Variants in NTRK2 observed in about 807,000 individuals in gnomAD.
The protein encoded by NTRK2 is BDNF/NT-3 growth factors receptor.
A neutral mutation model predicts 94.5 loss-of-function variants in NTRK2; 13 were observed. That is an observed-to-expected ratio of 0.14 (90% CI 0.09 to 0.22). NTRK2 has a LOEUF of 0.22. Among genes scored for constraint, NTRK2 ranks in the 10% least tolerant of loss-of-function variants. The pLI is 1.00. For synonymous variants in NTRK2, 372 were observed against 407.4 expected, an observed-to-expected ratio of 0.91 and a Z score of 1.05; for missense variants, 639 against 1,071.2, an observed-to-expected ratio of 0.60 and a Z score of 5.63.
intron 14 of NTRK2, among the ~76,000 whole-genome samples, chr9:84,896,992 C>T (rs958876957): frequency 6.6e-6 from 1 of 152,160 alleles, no homozygotes; most frequent in Non-Finnish European, 1.5e-5. Context: ...CATAGCCCTG[C>T]TCTGAGAGAT....
chr9:84,919,604 A>G (rs1399156629), intron 14 of NTRK2, among the ~76,000 whole-genome samples: 2 of 152,222 alleles, frequency 1.3e-5, no homozygotes, highest in African/African-American at 4.8e-5. Flanking sequence ...TTAATGCTCA[A>G]ATAAAATTGC....
chr9:84,892,814 CG>C (rs1391176052), intron 14 of NTRK2, among the ~76,000 whole-genome samples: 2 of 151,828 alleles, frequency 1.3e-5, no homozygotes, highest in Non-Finnish European at 2.9e-5. Context: ...CCCAGCTACT[CG>C]GGAGGTTGAG....
At chr9:84,776,712 T>A (rs751439644) in intron 12 of NTRK2, among the ~76,000 whole-genome samples, 1 of 152,174 alleles carries the variant, frequency 6.6e-6, no homozygotes, top group African/African-American at 2.4e-5. Context: ...AATTCTCTCT[T>A]CCAAAACCCC....
At chr9:84,892,176 T>C (rs2076614660) in intron 14 of NTRK2, among the ~76,000 whole-genome samples, 1 of 152,226 alleles carries the variant, frequency 6.6e-6, no homozygotes, top group Non-Finnish European at 1.5e-5. Flanking sequence ...TTTTTCTTGC[T>C]TAAGTTATCT....
At chr9:84,688,887 A>G (rs2059879803) in intron 2 of NTRK2, among the ~76,000 whole-genome samples, 3 of 152,144 alleles carry the variant, frequency 2.0e-5, no homozygotes, top group Non-Finnish European at 4.4e-5. Flanking sequence ...TAGGGGAGTG[A>G]TTCCTGTTGT....
chr9:84,937,040 C>T (rs1318332471), intron 15 of NTRK2, among the ~76,000 whole-genome samples: 1 of 152,166 alleles, frequency 6.6e-6, no homozygotes, highest in African/African-American at 2.4e-5. Context: ...TTTCACAGAG[C>T]TGTCACTCGC....
rs781029708 is a variant in NTRK2, at chr9:84,948,638, C to G, written c.1937+4C>G. 2.5e-6 allele frequency: 4 copies of G among 1,613,816 alleles called. No homozygotes were observed. In the South Asian group the frequency reaches 4.4e-5, roughly 18 times the overall value. On this transcript the variant is annotated splice_donor_region_variant and intron_variant, in intron 16 of 18. Transcript: ENST00000277120. ...GGGACCTCAACAAGTTCCTCAGGTA[C>G]AGTGAGGCGGGGAGGTGGGCTCCAG...
At chr9:84,912,170 T>A (rs1428405944) in intron 14 of NTRK2, among the ~76,000 whole-genome samples, 1 of 152,212 alleles carries the variant, frequency 6.6e-6, no homozygotes, top group African/African-American at 2.4e-5. Context: ...CAGGATATGA[T>A]CTATTTTAGT....
At chr9:84,977,202 T>C (rs1407838299) in intron 17 of NTRK2, among the ~76,000 whole-genome samples, 2 of 152,194 alleles carry the variant, frequency 1.3e-5, no homozygotes, top group Admixed American at 1.3e-4. Context: ...GTATTGTTGA[T>C]TCATTTACAT....
intron 12 of NTRK2, among the ~76,000 whole-genome samples, chr9:84,794,335 T>C (rs984579120): frequency 6.6e-6 from 1 of 152,230 alleles, no homozygotes; most frequent in African/African-American, 2.4e-5. Flanking sequence ...TTTGCTTATA[T>C]GGACAGGGGC....
chr9:84,908,653 TA>T (rs1269357257), intron 14 of NTRK2, among the ~76,000 whole-genome samples: 6 of 152,192 alleles, frequency 3.9e-5, no homozygotes, highest in African/African-American at 1.4e-4. Context: ...GGGTGCTTGC[TA>T]GGCACAGTGG....
intron 12 of NTRK2, among the ~76,000 whole-genome samples, chr9:84,849,367 T>G (rs1039235942): frequency 6.6e-6 from 1 of 152,142 alleles, no homozygotes; most frequent in Non-Finnish European, 1.5e-5. Context: ...ACTTTTTCAT[T>G]GGCAAAAGCA....
At chr9:84,683,701 A>G (rs1410085308) in intron 2 of NTRK2, among the ~76,000 whole-genome samples, 1 of 152,140 alleles carries the variant, frequency 6.6e-6, no homozygotes. Flanking sequence ...TTGGGTATAT[A>G]CCCTTTAATG....
intron 16 of NTRK2, among the ~76,000 whole-genome samples, chr9:84,950,349 G>C (rs1198548211): frequency 6.6e-6 from 1 of 152,238 alleles, no homozygotes; most frequent in Admixed American, 6.5e-5. Flanking sequence ...TGCTGAGCAA[G>C]ATACTCCTTG....
chr9:84,819,026 C>A (rs2072612456), intron 12 of NTRK2, among the ~76,000 whole-genome samples: 1 of 152,152 alleles, frequency 6.6e-6, no homozygotes, highest in South Asian at 2.1e-4. Flanking sequence ...TTTGGTCAAG[C>A]CCCATCTCAC....
At chr9:84,940,429 G>T (rs1019795060) in intron 15 of NTRK2, among the ~76,000 whole-genome samples, 8 of 152,160 alleles carry the variant, frequency 5.3e-5, no homozygotes, top group Non-Finnish European at 5.9e-5. Flanking sequence ...TCTTGCCTCT[G>T]CTACTCCCTA....
At chr9:84,959,669 C>G (rs114406839) in intron 17 of NTRK2, among the ~76,000 whole-genome samples, 7 of 152,218 alleles carry the variant, frequency 4.6e-5, no homozygotes, top group African/African-American at 1.7e-4. Context: ...CAAAATTACT[C>G]TAGCATTTAT....
intron 2 of NTRK2, among the ~76,000 whole-genome samples, chr9:84,672,951 G>A (rs2058792155): frequency 6.6e-6 from 1 of 152,046 alleles, no homozygotes; most frequent in African/African-American, 2.4e-5. Flanking sequence ...TCATTCAATC[G>A]TGGCACTTCT....
At chr9:84,972,815 A>G (rs1199773368) in intron 17 of NTRK2, among the ~76,000 whole-genome samples, 2 of 152,240 alleles carry the variant, frequency 1.3e-5, no homozygotes, top group Non-Finnish European at 2.9e-5. Flanking sequence ...TCAGACAATT[A>G]AAATAAGCAA....
Sources: allele counts gnomAD v4.1 joint callset (sites outside exome capture counted in the v4.1 genomes callset), GRCh38; gene constraint gnomAD v4.1.1; transcripts MANE v1.5; gene names NCBI Gene and HGNC (gene_info 2026-07-23, HGNC 2026-07-21).